The following MNAT1 variants were observed in gnomAD, a reference collection of about 807,000 sequenced individuals.
MNAT1 encodes CDK-activating kinase assembly factor MAT1.
A neutral mutation model predicts 42.0 loss-of-function variants in MNAT1; 43 were observed. The ratio of observed to expected loss-of-function variants is 1.02; its 90% CI spans 0.80 to 1.32. The LOEUF (loss-of-function observed/expected upper bound fraction) is 1.32, where lower values mean the gene tolerates loss of function less well. MNAT1 is among the 40% of genes most tolerant of loss of function. The pLI, the probability that MNAT1 is intolerant of heterozygous loss-of-function variation, is 0.00. For missense variants in MNAT1, 306 were observed against 350.4 expected (o/e 0.87, Z 1.01); for synonymous variants, 118 against 120.0 (o/e 0.98, Z 0.11).
intron 7 of MNAT1, among the ~76,000 whole-genome samples, chr14:60,921,615 A>G (rs911325004): frequency 2.0e-5 from 3 of 152,174 alleles, no homozygotes; most frequent in Non-Finnish European, 4.4e-5. Context: ...GCAGATGAAA[A>G]CTAGATAGTT....
intron 7 of MNAT1, among the ~76,000 whole-genome samples, chr14:60,938,613 G>A (rs148816472): frequency 6.6e-6 from 1 of 152,266 alleles, no homozygotes; most frequent in Admixed American, 6.5e-5. Context: ...TTGATATGCT[G>A]TGCTGCTGGA....
At chr14:60,850,427 A>G (rs1367905131) in intron 6 of MNAT1, among the ~76,000 whole-genome samples, 15 of 152,222 alleles carry the variant, frequency 9.9e-5, no homozygotes, top group Non-Finnish European at 2.1e-4. Context: ...AATGAGAACT[A>G]ATGGGGAATA....
intron 1 of MNAT1, chr14:60,780,537 C>G: frequency 6.5e-7 from 1 of 1,539,798 alleles, no homozygotes; most frequent in Non-Finnish European, 9.0e-7. Flanking sequence ...TGTTCATTTA[C>G]TACTACAATC....
At chr14:60,828,570 T>TACCACACCAACCATTTCTGC in intron 6 of MNAT1, among the ~76,000 whole-genome samples, 1 of 152,124 alleles carries the variant, frequency 6.6e-6, no homozygotes, top group South Asian at 2.1e-4. Context: ...TTCTTTTCTG[T>TACCACACCAACCATTTCTGC]ACCACACCAA....
intron 6 of MNAT1, among the ~76,000 whole-genome samples, chr14:60,865,455 G>A (rs905059461): frequency 3.9e-5 from 6 of 152,028 alleles, no homozygotes; most frequent in East Asian, 1.9e-4. Flanking sequence ...AATTTCTTGC[G>A]AATACTGTTT....
chr14:60,901,612 A>G (rs2035073992), intron 7 of MNAT1, among the ~76,000 whole-genome samples: 3 of 152,342 alleles, frequency 2.0e-5, no homozygotes, highest in South Asian at 2.1e-4. Context: ...TTTGTGATCC[A>G]TGGGAGGAGG....
chr14:60,786,347 G>A (rs2031651119), intron 1 of MNAT1, among the ~76,000 whole-genome samples: 1 of 151,936 alleles, frequency 6.6e-6, no homozygotes, highest in African/African-American at 2.4e-5. Context: ...TAATGGCTTG[G>A]GTAGTTTGGG....
chr14:60,936,320 C>CT (rs1376369716), intron 7 of MNAT1, among the ~76,000 whole-genome samples: 4 of 151,892 alleles, frequency 2.6e-5, no homozygotes. Context: ...TGTTGGTGTG[C>CT]TGCACTCATT....
At chr14:60,805,893 C>G (rs2032353377) in intron 3 of MNAT1, among the ~76,000 whole-genome samples, 1 of 152,066 alleles carries the variant, frequency 6.6e-6, no homozygotes, top group Non-Finnish European at 1.5e-5. Flanking sequence ...GGATAAATAC[C>G]TAGGTGCTTG....
chr14:60,831,915 T>C (rs2033232591), intron 6 of MNAT1, among the ~76,000 whole-genome samples: 1 of 152,246 alleles, frequency 6.6e-6, no homozygotes, highest in Non-Finnish European at 1.5e-5. Flanking sequence ...GATTTGCATT[T>C]CTCTAATGAC....
chr14:60,874,301 C>T (rs1594821893), intron 6 of MNAT1, among the ~76,000 whole-genome samples: 1 of 152,160 alleles, frequency 6.6e-6, no homozygotes, highest in East Asian at 1.9e-4. Flanking sequence ...GATTCATTCT[C>T]TGCCCACCCT....
intron 6 of MNAT1, among the ~76,000 whole-genome samples, chr14:60,863,045 G>A (rs1041523893): frequency 1.3e-5 from 2 of 151,900 alleles, no homozygotes; most frequent in South Asian, 2.1e-4. Flanking sequence ...GTTTGTGATC[G>A]AAAGATTCGA....
At chr14:60,907,239 C>T (rs897657496) in intron 7 of MNAT1, among the ~76,000 whole-genome samples, 3 of 151,970 alleles carry the variant, frequency 2.0e-5, no homozygotes, top group African/African-American at 7.2e-5. Flanking sequence ...TCGAGACCAG[C>T]CTGGCCAACA....
intron 6 of MNAT1, among the ~76,000 whole-genome samples, chr14:60,841,755 A>G (rs2033559724): frequency 6.6e-6 from 1 of 152,248 alleles, no homozygotes; most frequent in Non-Finnish European, 1.5e-5. Flanking sequence ...AATCTATTAT[A>G]TCCTTGCAAA....
intron 1 of MNAT1, among the ~76,000 whole-genome samples, chr14:60,754,994 G>T (rs777827252): frequency 5.3e-5 from 8 of 151,944 alleles, no homozygotes; most frequent in South Asian, 2.1e-4. Context: ...TGTGGAATTT[G>T]TATATACGTA....
intron 7 of MNAT1, among the ~76,000 whole-genome samples, chr14:60,965,423 T>G (rs1276762432): frequency 1.3e-5 from 2 of 152,262 alleles, no homozygotes; most frequent in Non-Finnish European, 2.9e-5. Context: ...GGCCATAAAT[T>G]AAAAGATGCA....
chr14:60,855,550 G>T (rs1479161784), intron 6 of MNAT1, among the ~76,000 whole-genome samples: 2 of 152,144 alleles, frequency 1.3e-5, no homozygotes, highest in Non-Finnish European at 2.9e-5. Flanking sequence ...CCTTGGCTGC[G>T]GGAGGGAGGT....
At chr14:60,926,167 G>T (rs1271032983) in intron 7 of MNAT1, among the ~76,000 whole-genome samples, 1 of 152,172 alleles carries the variant, frequency 6.6e-6, no homozygotes, top group Non-Finnish European at 1.5e-5. Context: ...ACAAAGAGTT[G>T]TTGAAAGAGA....
intron 6 of MNAT1, among the ~76,000 whole-genome samples, chr14:60,874,181 T>C (rs2034388006): frequency 6.6e-6 from 1 of 152,214 alleles, no homozygotes; most frequent in Admixed American, 6.5e-5. Context: ...TTTAGTAATA[T>C]GCTGGAGATA....
Sources: gnomAD v4.1 joint callset for allele counts (sites outside exome capture counted in the v4.1 genomes callset) on GRCh38, gnomAD v4.1.1 for gene constraint, MANE v1.5 for transcripts, NCBI Gene and HGNC (gene_info 2026-07-23, HGNC 2026-07-21) for gene names.